Variants in CDH13 observed in about 807,000 individuals in gnomAD.
CDH13 encodes the protein cadherin-13.
A neutral mutation model predicts 63.8 loss-of-function variants in CDH13; 24 were observed. The observed-to-expected ratio is 0.38, with a 90% CI of 0.27 to 0.53. CDH13 has a LOEUF of 0.53. Among genes scored for constraint, CDH13 ranks in the 20% least tolerant of loss-of-function variants. The pLI, the probability that CDH13 is intolerant of heterozygous loss-of-function variation, is 0.85. For missense variants in CDH13, 1,049 were observed against 903.1 expected, an observed-to-expected ratio of 1.16 and a Z score of -2.07; for synonymous variants, 503 against 355.3, an observed-to-expected ratio of 1.42 and a Z score of -4.67.
rs368060330 is a variant in CDH13, at chr16:83,159,983, C to T, written c.483+34482C>T. Among the ~76,000 whole-genome samples the T allele has an allele frequency of 1.4e-3, 211 of 151,858 alleles. 1 individual carries two copies. The highest frequency in any genetic ancestry group is 4.7e-3 in the African/African-American group (194 of 41,424). ...CTCAGCTACTCAGGAGGCTGAGGCA[C>T]GAGAATTGCTTGAACCCAGGAGGCA... is the stretch of plus-strand genomic sequence containing the variant. On this transcript the variant is annotated intron_variant, in intron 4 of 13. Transcript: ENST00000567109.
intron 5 of CDH13, among the ~76,000 whole-genome samples, chr16:83,339,463 C>G (rs1344927647): frequency 6.6e-6 from 1 of 152,146 alleles, no homozygotes; most frequent in Non-Finnish European, 1.5e-5. Context: ...TGACTTCAGA[C>G]TCAGTACCAG....
chr16:82,776,962 C>A (rs1248304341), intron 1 of CDH13, among the ~76,000 whole-genome samples: 2 of 152,196 alleles, frequency 1.3e-5, no homozygotes, highest in East Asian at 3.9e-4. Flanking sequence ...ACAGACATCT[C>A]ATTTACATTT....
At chr16:83,014,505 G>T (rs1455840845) in intron 2 of CDH13, among the ~76,000 whole-genome samples, 2 of 151,020 alleles carry the variant, frequency 1.3e-5, no homozygotes, top group African/African-American at 4.9e-5. Flanking sequence ...AGGCCAAGAC[G>T]GATAGATCAC....
chr16:83,354,110 A>G (rs1394032530), intron 6 of CDH13, among the ~76,000 whole-genome samples: 2 of 152,250 alleles, frequency 1.3e-5, no homozygotes, highest in African/African-American at 4.8e-5. Flanking sequence ...TAAACCTGAC[A>G]GGAATTTCTA....
intron 2 of CDH13, among the ~76,000 whole-genome samples, chr16:83,027,838 GTT>G (rs1318626335): frequency 6.6e-6 from 1 of 152,128 alleles, no homozygotes; most frequent in Admixed American, 6.6e-5. Context: ...ATATGTTATG[GTT>G]TTCTCTGCCT....
intron 10 of CDH13, among the ~76,000 whole-genome samples, chr16:83,682,449 G>A (rs1598470564): frequency 6.6e-6 from 1 of 152,172 alleles, no homozygotes; most frequent in Non-Finnish European, 1.5e-5. Flanking sequence ...CAATTATGAT[G>A]AGCAGAGTCA....
At chr16:83,312,375 C>G (rs549179221) in intron 5 of CDH13, among the ~76,000 whole-genome samples, 4 of 152,192 alleles carry the variant, frequency 2.6e-5, no homozygotes, top group Non-Finnish European at 5.9e-5. Context: ...AATCTAAAAG[C>G]TGACAGCTGG....
At chr16:82,666,563 C>T (rs1051352909) in intron 1 of CDH13, among the ~76,000 whole-genome samples, 3 of 152,218 alleles carry the variant, frequency 2.0e-5, no homozygotes, top group South Asian at 4.1e-4. Context: ...GACTCACTTG[C>T]ATTGGAATCT....
chr16:83,751,104 G>T lies in CDH13; in HGVS notation c.1681+2854G>T, dbSNP rs450094. Among the ~76,000 whole-genome samples the T allele has an allele frequency of 1.6e-3, 251 of 152,262 alleles. 1 individual carries two copies. The highest frequency in any genetic ancestry group is 1.0e-3 in the Non-Finnish European group (69 of 68,008). On this transcript the variant is annotated intron_variant, in intron 11 of 13. Transcript: ENST00000567109. The stretch of plus-strand genomic sequence containing the variant: ...TGCAAAGATAAGGGCAGAGAAGCGT[G>T]TGGATACCGGACTGTTCTAAGGTTG...
chr16:83,600,299 G>C (rs1907664430), intron 7 of CDH13, among the ~76,000 whole-genome samples: 1 of 152,146 alleles, frequency 6.6e-6, no homozygotes, highest in Non-Finnish European at 1.5e-5. Flanking sequence ...ACCGAAACAT[G>C]AGGCGTAGAG....
intron 5 of CDH13, among the ~76,000 whole-genome samples, chr16:83,269,112 C>G (rs2088717139): frequency 6.6e-6 from 1 of 152,216 alleles, no homozygotes; most frequent in Non-Finnish European, 1.5e-5. Flanking sequence ...TCTAGAACCT[C>G]CTTTTCTATT....
intron 7 of CDH13, among the ~76,000 whole-genome samples, chr16:83,490,064 C>T (rs1243666409): frequency 6.6e-6 from 1 of 151,660 alleles, no homozygotes; most frequent in Non-Finnish European, 1.5e-5. Context: ...ACCAGCACCT[C>T]TGGCTCTCAC....
chr16:83,777,234 G>A (rs1420327364), intron 11 of CDH13, among the ~76,000 whole-genome samples: 2 of 152,150 alleles, frequency 1.3e-5, no homozygotes, highest in African/African-American at 4.8e-5. Context: ...CTGCCTTTCC[G>A]GAAAGCCTCT....
At chr16:83,103,276 G>C (rs571547999) in intron 3 of CDH13, among the ~76,000 whole-genome samples, 2 of 122,514 alleles carry the variant, frequency 1.6e-5, no homozygotes, top group African/African-American at 6.2e-5. Context: ...AGACAGTCTG[G>C]CTCTGTTGCC....
intron 7 of CDH13, among the ~76,000 whole-genome samples, chr16:83,510,612 C>A (rs1162090296): frequency 6.6e-6 from 1 of 152,124 alleles, no homozygotes; most frequent in Admixed American, 6.5e-5. Flanking sequence ...TGGAATCTAC[C>A]CCTGGACAGG....
At chr16:82,870,618 C>G (rs1436738846) in intron 2 of CDH13, among the ~76,000 whole-genome samples, 1 of 151,982 alleles carries the variant, frequency 6.6e-6, no homozygotes, top group Non-Finnish European at 1.5e-5. Flanking sequence ...ATATATTTTA[C>G]ATACCCAATA....
At chr16:83,197,425 A>T (rs1011543019) in intron 4 of CDH13, among the ~76,000 whole-genome samples, 1 of 152,148 alleles carries the variant, frequency 6.6e-6, no homozygotes. Context: ...TTTTAAATGT[A>T]CAATTGAATT....
rs894980428 is a variant in CDH13, at chr16:83,535,827, G to A, written c.960+49172G>A. Among the ~76,000 whole-genome samples the A allele has an allele frequency of 3.6e-5, 5 of 137,022 alleles. No individual in the cohort carries two copies. In the East Asian group the frequency reaches 1.1e-3, roughly 29 times the overall value. 89.9% of individuals were successfully genotyped at this position (137,022 alleles called of 152,430 possible). On this transcript the variant is annotated intron_variant, in intron 7 of 13. Transcript: ENST00000567109. ...AGCAAGCAAGAGAAAAAGAAGGAAC[G>A]AAGGAAAGGAAGGAAGGGAGGGAGG... is the stretch of plus-strand genomic sequence containing the variant.
chr16:82,638,752 C>A (rs1384324295), intron 1 of CDH13, among the ~76,000 whole-genome samples: 1 of 150,162 alleles, frequency 6.7e-6, no homozygotes, highest in African/African-American at 2.4e-5. Flanking sequence ...ATCATTTGAT[C>A]TGGTGGGATC....
Sources: gnomAD v4.1 joint callset for allele counts (sites outside exome capture counted in the v4.1 genomes callset) on GRCh38, gnomAD v4.1.1 for gene constraint, MANE v1.5 for transcripts, NCBI Gene and HGNC (gene_info 2026-07-23, HGNC 2026-07-21) for gene names.